Variants in GALNT13 observed in about 807,000 individuals in gnomAD.
The protein encoded by GALNT13 is polypeptide N-acetylgalactosaminyltransferase 13, also known as UDP-GalNAc:polypeptide N-acetylgalactosaminyltransferase 13.
A neutral mutation model predicts 64.2 loss-of-function variants in GALNT13; 28 were observed. That is an observed-to-expected ratio of 0.44 (90% confidence interval 0.32 to 0.60). The LOEUF is 0.60. GALNT13 is among the 20% of genes least tolerant of loss of function. GALNT13 has a pLI of 0.05. For synonymous variants in GALNT13, 214 were observed against 224.6 expected, an observed-to-expected ratio of 0.95 and a Z score of 0.42; for missense variants, 577 against 669.8, an observed-to-expected ratio of 0.86 and a Z score of 1.53.
chr2:153,502,896 G>A, the GALNT13 span, among the ~76,000 whole-genome samples: 2 of 144,672 alleles, frequency 1.4e-5, no homozygotes, highest in South Asian at 4.3e-4. Context: ...TTTGAGAATT[G>A]TCTATTCATG....
At chr2:153,170,886 C>A in the GALNT13 span, among the ~76,000 whole-genome samples, 1,037 of 152,266 alleles carry the variant, frequency 6.8e-3, 10 homozygotes, top group African/African-American at 0.023. Context: ...TCTAATATAG[C>A]AGTTATTTAG....
chr2:153,484,768 A>G, the GALNT13 span, among the ~76,000 whole-genome samples: 1,067 of 152,326 alleles, frequency 7.0e-3, 13 homozygotes, highest in African/African-American at 0.025. Flanking sequence ...ATGATTCAAT[A>G]GTCTAGCCTG....
At position 154,380,572 on chromosome 2, in the gene GALNT13, G is replaced by A. The variant is rs886808625; in HGVS notation, c.1157-15419G>A. Among the ~76,000 whole-genome samples the A allele has an allele frequency of 1.4e-4, 21 of 151,968 alleles. 1 individual carries two copies. The highest frequency in any genetic ancestry group is 4.8e-4 in the African/African-American group (20 of 41,474). On this transcript the variant is annotated intron_variant, in intron 9 of 12. Coordinates refer to ENST00000392825, the MANE Select transcript of GALNT13 (RefSeq NM_052917.4). ...TTCATTTTCTGGGAGATTTTCATAA[G>A]ATGAAAAAGGACTTAATGCTATCAG...
the GALNT13 span, among the ~76,000 whole-genome samples, chr2:153,088,025 T>C: frequency 1.3e-5 from 2 of 152,118 alleles, no homozygotes. Context: ...TTTGGTTTGT[T>C]CTTGTTTCTC....
the GALNT13 span, among the ~76,000 whole-genome samples, chr2:153,246,591 C>A: frequency 6.6e-6 from 1 of 152,174 alleles, no homozygotes; most frequent in Non-Finnish European, 1.5e-5. Flanking sequence ...TACAAACAAG[C>A]AAATGCTGAG....
intron 9 of GALNT13, among the ~76,000 whole-genome samples, chr2:154,342,789 A>G (rs1695845215): frequency 6.6e-6 from 1 of 151,448 alleles, no homozygotes; most frequent in South Asian, 2.1e-4. Flanking sequence ...TTGTATCTAT[A>G]TGTACAGTAA....
At chr2:153,683,871 T>G in the GALNT13 span, among the ~76,000 whole-genome samples, 5 of 151,678 alleles carry the variant, frequency 3.3e-5, no homozygotes, top group Admixed American at 2.0e-4. Context: ...AACTTTTGTG[T>G]TTTCATTTTA....
intron 3 of GALNT13, among the ~76,000 whole-genome samples, chr2:153,957,535 C>A (rs527339901): frequency 5.3e-5 from 8 of 152,162 alleles, no homozygotes; most frequent in Non-Finnish European, 1.2e-4. Flanking sequence ...TGATGGAGAG[C>A]CTTTTTTCTC....
chr2:154,225,160 TGATAGATAGATA>T (rs56211679), intron 4 of GALNT13, among the ~76,000 whole-genome samples: 5 of 137,906 alleles, frequency 3.6e-5, no homozygotes, highest in African/African-American at 1.1e-4. Flanking sequence ...GATAGATAGA[TGATAGATAGATA>T]GATAGATAGA....
chr2:153,732,356 A>C, the GALNT13 span, among the ~76,000 whole-genome samples: 9 of 152,022 alleles, frequency 5.9e-5, no homozygotes, highest in South Asian at 1.9e-3. Flanking sequence ...TGAGCATGTG[A>C]GTGTAGAGTA....
At chr2:153,721,584 C>G in the GALNT13 span, among the ~76,000 whole-genome samples, 4 of 149,248 alleles carry the variant, frequency 2.7e-5, no homozygotes, top group East Asian at 7.9e-4. Context: ...TGCAGAGACA[C>G]ACATAGGCTC....
the GALNT13 span, among the ~76,000 whole-genome samples, chr2:153,283,850 C>T: frequency 1.3e-5 from 2 of 152,122 alleles, no homozygotes; most frequent in Non-Finnish European, 2.9e-5. Context: ...CCTGCTGCAG[C>T]AGGATATCTG....
At chr2:154,205,948 C>T (rs1687419032) in intron 4 of GALNT13, among the ~76,000 whole-genome samples, 2 of 152,018 alleles carry the variant, frequency 1.3e-5, no homozygotes, top group African/African-American at 4.8e-5. Context: ...ATTTTATTTA[C>T]AGGCTCTGAC....
chr2:153,803,698 A>AAAG, the GALNT13 span, among the ~76,000 whole-genome samples: 1 of 150,540 alleles, frequency 6.6e-6, no homozygotes, highest in Admixed American at 6.6e-5. Flanking sequence ...TCTCAAAAAA[A>AAAG]AAAAAAAAAA....
intron 3 of GALNT13, among the ~76,000 whole-genome samples, chr2:154,029,669 C>T (rs1364632105): frequency 2.0e-5 from 3 of 151,918 alleles, no homozygotes; most frequent in African/African-American, 7.3e-5. Context: ...AAGACGTGTA[C>T]AATGGCAAGA....
chr2:153,221,579 T>A, the GALNT13 span, among the ~76,000 whole-genome samples: 2 of 152,112 alleles, frequency 1.3e-5, no homozygotes, highest in Non-Finnish European at 2.9e-5. Flanking sequence ...TTGCCGGAGT[T>A]TTGCTCGGGC....
chr2:153,366,613 A>G, the GALNT13 span, among the ~76,000 whole-genome samples: 1 of 151,942 alleles, frequency 6.6e-6, no homozygotes, highest in South Asian at 2.1e-4. Context: ...ATATTTGACT[A>G]TTTGAAGAAG....
intron 8 of GALNT13, among the ~76,000 whole-genome samples, chr2:154,277,310 G>A (rs1691702941): frequency 6.6e-6 from 1 of 152,074 alleles, no homozygotes; most frequent in African/African-American, 2.4e-5. Context: ...TATATGTTCA[G>A]TTAGGAAACC....
intron 3 of GALNT13, among the ~76,000 whole-genome samples, chr2:153,984,608 A>G (rs1694672061): frequency 6.6e-6 from 1 of 151,840 alleles, no homozygotes; most frequent in Non-Finnish European, 1.5e-5. Flanking sequence ...AGTGTAATTT[A>G]CAAACAATCA....
Sources: allele counts gnomAD v4.1 joint callset (sites outside exome capture counted in the v4.1 genomes callset), GRCh38; gene constraint gnomAD v4.1.1; transcripts MANE v1.5; gene names NCBI Gene and HGNC (gene_info 2026-07-23, HGNC 2026-07-21).